Variants in EVPL observed in about 807,000 individuals in gnomAD.
EVPL encodes the protein envoplakin.
A neutral mutation model predicts 129.7 loss-of-function variants in EVPL; 94 were observed. The observed-to-expected ratio is 0.72, with a 90% CI of 0.61 to 0.86. The LOEUF is 0.86. EVPL is among the 40% of genes least tolerant of loss of function. The probability of loss-of-function intolerance (pLI) is 0.00; values close to 1 mark genes in which losing one functional copy is unlikely to be tolerated. For synonymous variants in EVPL, 1,172 were observed against 1,191.1 expected, an observed-to-expected ratio of 0.98 and a Z score of 0.33; for missense variants, 2,625 against 2,721.1, an observed-to-expected ratio of 0.96 and a Z score of 0.79.
rs370453584 is a variant in EVPL, at chr17:76,011,866, G to T, written c.2474C>A (p.Ala825Glu). ...CTCCAAAGAGCAGCGGTAGGTGTCT[G>T]CCTGGAGCTCATAGTCCTGAGCAGG... ...QAALQDYELQ[A>E]DTYRCSLEPT... Residue 825 changes from alanine (A) to glutamate (E), a missense_variant, in exon 20 of 22, where the codon GCA becomes GAA. By Grantham distance (107) the Ala-to-Glu change is moderately radical. This residue lies in a region of EVPL where 1,024 missense variants were observed against 997.5 expected (regional missense o/e 1.03). Transcript: ENST00000301607. 6.2e-7 allele frequency: 1 copy of T among 1,613,594 alleles called. No individual in the cohort carries two copies. The highest frequency in any genetic ancestry group is 8.5e-7 in the Non-Finnish European group (1 of 1,179,894).
At chr17:76,017,325 G>C (rs893462237) in intron 14 of EVPL, among the ~76,000 whole-genome samples, 1 of 152,144 alleles carries the variant, frequency 6.6e-6, no homozygotes, top group Non-Finnish European at 1.5e-5. Context: ...TGGGTAAGGA[G>C]TTTACACAAT....
At position 76,011,859 on chromosome 17, in the gene EVPL, G is replaced by C. The variant is rs2066379599; in HGVS notation, c.2481C>G (p.Thr827=). The C allele has an allele frequency of 6.2e-7, 1 of 1,613,608 alleles. No individual in the cohort carries two copies. The highest frequency in any genetic ancestry group is 2.2e-5 in the East Asian group (1 of 44,870). Reference sequence around the variant, plus strand: ...GGGTGGGCTCCAAAGAGCAGCGGTAGGTGTCTGCCTGGAGCTCATAGTCCT... The same window carrying C: ...GGGTGGGCTCCAAAGAGCAGCGGTACGTGTCTGCCTGGAGCTCATAGTCCT... The part of the protein sequence containing the change: ...ALQDYELQAD[T]YRCSLEPTLA... The change falls in exon 20 of 22, where the codon ACC becomes ACG. Residue 827 remains threonine (T), a synonymous_variant. Coordinates refer to ENST00000301607, the MANE Select transcript of EVPL (RefSeq NM_001988.4).
chr17:76,018,861 G>C, intron 11 of EVPL, 53 bp downstream of exon 11: 1 of 1,271,266 alleles, frequency 7.9e-7, no homozygotes. Flanking sequence ...AGGGGCAGGG[G>C]ATGGGTTGGG....
chr17:76,015,263 T>C lies in EVPL; in HGVS notation c.1992A>G (p.Glu664=). 6.2e-7 allele frequency: 1 copy of C among 1,602,750 alleles called. No individual in the cohort carries two copies. Among genetic ancestry groups the C allele is most frequent in the East Asian group, 2.2e-5 (1 of 44,692 alleles). Residue 664 remains glutamate (E), a synonymous_variant, in exon 16 of 22, where the codon GAA becomes GAG. Coordinates refer to ENST00000301607, the MANE Select transcript of EVPL (RefSeq NM_001988.4). ...TLVQEAPIPA[E]PGALQERVSE... ...TGACCCTCTCCTGCAGAGCCCCCGG[T>C]TCAGCAGGGATGGGGGCCTCCTGCA...
chr17:76,020,030 AC>A, intron 9 of EVPL, among the ~76,000 whole-genome samples: 1 of 152,114 alleles, frequency 6.6e-6, no homozygotes, highest in South Asian at 2.1e-4. Flanking sequence ...CTAAACCTAA[AC>A]CAGCTAAACA....
chr17:76,012,261 G>T, intron 18 of EVPL, 172 bp from the exon 19 acceptor site: 1 of 561,898 alleles, frequency 1.8e-6, no homozygotes, highest in Non-Finnish European at 3.2e-6. Context: ...CATTCTCTCT[G>T]CTTTTCCTCC....
Position 76,015,025 on chromosome 17 carries a change from C to CA in EVPL, c.2112dup (p.Ala705CysfsTer57). The stretch of plus-strand genomic sequence containing the variant: ...AACTCCTGGAAGTTGTTCTGCAGGG[C>CA]AGCGCATGCGTGCTCCGAGGCCTTC... On this transcript the variant is annotated frameshift_variant, in exon 17 of 22. Transcript: ENST00000301607. LOFTEE classifies it high-confidence loss of function. 1.3e-6 allele frequency: 2 copies of CA among 1,594,874 alleles called. No individual in the cohort carries two copies. The highest frequency in any genetic ancestry group is 1.7e-6 in the Non-Finnish European group (2 of 1,176,222).
In EVPL at chr17:76,008,742, T is replaced by C. The variant is rs765385227; in HGVS notation, c.4463A>G (p.Glu1488Gly). 1.4e-5 allele frequency: 23 copies of C among 1,614,024 alleles called. No homozygotes were observed. The Admixed American group carries it at 3.8e-4, about 27-fold the overall frequency. Residue 1488 changes from glutamate (E) to glycine (G), a missense_variant, in exon 22 of 22, where the codon GAG becomes GGG. Glu to Gly is a moderately conservative substitution (Grantham distance 98). Around this residue, in one of 4 missense-constraint regions of EVPL, gnomAD observed 1,453 missense variants for 1,511.8 expected, o/e 0.96. Coordinates refer to ENST00000301607, the MANE Select transcript of EVPL (RefSeq NM_001988.4). This position sits in a 1 kb window ranked among gnomAD's most constrained non-coding sequence, Gnocchi z 7.4. ...TEALRWDLDQEKTQVTELNRE... is the reference protein window; with the variant it reads ...TEALRWDLDQGKTQVTELNRE... The stretch of plus-strand genomic sequence containing the variant: ...ATTCAGCTCGGTTACCTGGGTCTTC[T>C]CCTGGTCCAGGTCCCACCGCAGGGC...
In EVPL at chr17:76,007,994, C is replaced by A; in HGVS notation, c.5211G>T (p.Val1737=). ...TTSGPCGEES[V]LLDRKSGKQY... ...GCTTCCCGCTCTTGCGGTCCAGGAGCACAGACTCCTCCCCACAGGGCCCCG... is the reference window on the plus strand; with the variant it reads ...GCTTCCCGCTCTTGCGGTCCAGGAGAACAGACTCCTCCCCACAGGGCCCCG... The change falls in exon 22 of 22, where the codon GTG becomes GTT. Residue 1737 remains valine (V), a synonymous_variant. Coordinates refer to ENST00000301607, the MANE Select transcript of EVPL (RefSeq NM_001988.4). The surrounding 1 kb of genome is among the most constrained non-coding windows in gnomAD (Gnocchi z 8.8). 6.2e-7 allele frequency: 1 copy of A among 1,614,112 alleles called. No individual in the cohort carries two copies. The highest frequency in any genetic ancestry group is 8.5e-7 in the Non-Finnish European group (1 of 1,180,038).
chr17:76,008,648 G>T lies in EVPL; in HGVS notation c.4557C>A (p.Ile1519=). 1 of 1,612,504 alleles carries T rather than the reference G, an allele frequency of 6.2e-7. No individual in the cohort carries two copies. Among genetic ancestry groups the T allele is most frequent in the Non-Finnish European group, 8.5e-7 (1 of 1,180,022 alleles). Residue 1519 remains isoleucine, a synonymous_variant, in exon 22 of 22, where the codon ATC becomes ATA. Transcript: ENST00000301607. The surrounding 1 kb of genome is among the most constrained non-coding windows in gnomAD (Gnocchi z 7.4). ...LQKAKSQEKT[I]YKEVIRVQKD... ...TCTGCACCCGGATCACTTCCTTGTA[G>T]ATGGTCTTCTCCTGCGATTTGGCTT...
chr17:76,024,272 G>C lies in EVPL; in HGVS notation c.99-152C>G. ...GGGGTCTCTCTCTGCAGAAGGCTCT[G>C]TGAGCTAGTCCTGGTTGGGGGTGTT... On this transcript the variant is annotated intron_variant, in intron 1 of 21. Transcript: ENST00000301607. The surrounding 1 kb of genome is among the most constrained non-coding windows in gnomAD (Gnocchi z 4.5). 2.8e-6 allele frequency: 2 copies of C among 712,350 alleles called. No homozygotes were observed. The highest frequency in any genetic ancestry group is 3.4e-5 in the South Asian group (2 of 58,082). The allele number at this position is 712,350 out of a possible 1,614,324, so 44.1% of individuals were successfully genotyped here. A position where few individuals can be genotyped will look rare whatever the true frequency, so the allele number is the denominator to read the frequency against.
At chr17:76,017,098 A>T (rs1044347188) in intron 14 of EVPL, among the ~76,000 whole-genome samples, 4 of 151,208 alleles carry the variant, frequency 2.6e-5, no homozygotes, top group Non-Finnish European at 5.9e-5. Context: ...CTGTAATCCC[A>T]GCTACTCCGG....
intron 21 of EVPL, 21 bp from the exon 22 acceptor site, chr17:76,010,564 A>G (rs772387797): frequency 6.3e-6 from 10 of 1,598,892 alleles, no homozygotes; most frequent in Non-Finnish European, 7.7e-6. Flanking sequence ...GAAGAAGGGT[A>G]GAGCACGGGG....
chr17:76,009,182 G>C lies in EVPL; in HGVS notation c.4023C>G (p.Ala1341=), dbSNP rs756050084. Residue 1341 remains alanine (A), a synonymous_variant, in exon 22 of 22, where the codon GCC becomes GCG. Transcript: ENST00000301607. This position sits in a 1 kb window ranked among gnomAD's most constrained non-coding sequence, Gnocchi z 5.9. ...ERLRQEVREA[A]QKRRAAEDAV... is the part of the protein sequence containing the mutation. ...CGTCCTCCGCGGCCCGCCTCTTCTG[G>C]GCCGCCTCCCGCACCTCCTGGCGGA... 3 of 1,611,012 alleles carry C rather than the reference G, an allele frequency of 1.9e-6. No homozygotes were observed. In the East Asian group the frequency reaches 6.7e-5, roughly 36 times the overall value.
rs1391297076 is a variant in EVPL, at chr17:76,010,442, C to T, written c.2763G>A (p.Leu921=). ...GGGCCACCCGCTTCCTCTCCTCTTC[C>T]AGCTGGGCCTTCAGGGCCTCTGACT... The part of the protein sequence containing the change: ...GRESEALKAQ[L]EEERKRVARV... The change falls in exon 22 of 22, where the codon CTG becomes CTA. Residue 921 remains leucine, a synonymous_variant. Transcript: ENST00000301607. 5 of 1,613,906 alleles carry T rather than the reference C, an allele frequency of 3.1e-6. No homozygotes were observed. In the African/African-American group the frequency reaches 4.0e-5, roughly 13 times the overall value.
intron 9 of EVPL, among the ~76,000 whole-genome samples, chr17:76,019,896 C>T (rs2066445642): frequency 6.6e-6 from 1 of 152,134 alleles, no homozygotes; most frequent in African/African-American, 2.4e-5. Flanking sequence ...AAAACCTAAG[C>T]CAGGTAAACC....
chr17:76,023,959 A>G, intron 2 of EVPL, 62 bp downstream of exon 2: 2 of 1,556,824 alleles, frequency 1.3e-6, no homozygotes, highest in Non-Finnish European at 1.7e-6. Flanking sequence ...GCCAGGCCTG[A>G]TGATGGGCCT....
chr17:76,017,567 G>A (rs1294072371), intron 14 of EVPL, among the ~76,000 whole-genome samples, 172 bp downstream of exon 14: 1 of 152,176 alleles, frequency 6.6e-6, no homozygotes, highest in East Asian at 1.9e-4. Flanking sequence ...TCCTGGAGCT[G>A]GTCAGTGGAG....
intron 18 of EVPL, 39 bp downstream of exon 18, chr17:76,014,387 C>G: frequency 6.3e-7 from 1 of 1,584,378 alleles, no homozygotes; most frequent in Non-Finnish European, 8.6e-7. Context: ...CACTAGGGGG[C>G]CACATGGGCA....
Sources: allele counts gnomAD v4.1 joint callset (sites outside exome capture counted in the v4.1 genomes callset), GRCh38; gene constraint gnomAD v4.1.1; regional missense constraint gnomAD v4.1.1; non-coding constraint Gnocchi (gnomAD v3.1); transcripts MANE v1.5; gene names NCBI Gene and HGNC (gene_info 2026-07-23, HGNC 2026-07-21).